The following ATRNL1 variants were observed in gnomAD, a reference collection of about 807,000 sequenced individuals.
ATRNL1 encodes attractin-like protein 1.
A neutral mutation model predicts 182.7 loss-of-function variants in ATRNL1; 95 were observed. The ratio of observed to expected loss-of-function variants is 0.52; its 90% CI spans 0.44 to 0.62. The LOEUF (loss-of-function observed/expected upper bound fraction) is 0.62. ATRNL1 is among the 20% of genes least tolerant of loss of function. The probability of loss-of-function intolerance (pLI) is 0.00; values close to 1 mark genes in which losing one functional copy is unlikely to be tolerated. For missense variants in ATRNL1, 1,471 were observed against 1,679.5 expected, an observed-to-expected ratio of 0.88 and a Z score of 2.17; for synonymous variants, 576 against 568.3, an observed-to-expected ratio of 1.01 and a Z score of -0.19.
At chr10:115,717,614 C>T (rs1458922266) in intron 26 of ATRNL1, among the ~76,000 whole-genome samples, 1 of 129,190 alleles carries the variant, frequency 7.7e-6, no homozygotes, top group African/African-American at 2.9e-5. Context: ...TGCAGTGGTG[C>T]AATCTCAGCA....
intron 26 of ATRNL1, chr10:115,598,045 A>T (rs1450289083): frequency 2.6e-5 from 4 of 154,924 alleles, no homozygotes; most frequent in East Asian, 1.9e-4. Context: ...AGAGCAATAG[A>T]CCTAATTTGA....
rs530266515 is a variant in ATRNL1, at chr10:115,130,183, A to G, written c.829+648A>G. On this transcript the variant is annotated intron_variant, in intron 5 of 28. Transcript: ENST00000355044. Reference sequence around the variant, plus strand: ...TTATGAAATTAAGAGATATGCTTATACATATACCTACCCACCTAGAGCTTA... The same window carrying G: ...TTATGAAATTAAGAGATATGCTTATGCATATACCTACCCACCTAGAGCTTA... Among the ~76,000 whole-genome samples, 7 of 152,260 alleles carry G rather than the reference A, an allele frequency of 4.6e-5. No homozygotes were observed. The East Asian group carries it at 1.3e-3, about 29-fold the overall frequency.
chr10:115,615,482 A>G (rs1857382478), intron 26 of ATRNL1, among the ~76,000 whole-genome samples: 1 of 152,086 alleles, frequency 6.6e-6, no homozygotes, highest in Admixed American at 6.6e-5. Flanking sequence ...CTGTTGAGAA[A>G]TCTGCTGTTA....
chr10:115,846,049 C>T (rs938758557), intron 27 of ATRNL1, among the ~76,000 whole-genome samples: 1 of 151,994 alleles, frequency 6.6e-6, no homozygotes, highest in Non-Finnish European at 1.5e-5. Flanking sequence ...TATCTATGTA[C>T]TTATGCTGAT....
At chr10:115,528,589 T>C (rs1481048640) in intron 25 of ATRNL1, among the ~76,000 whole-genome samples, 1 of 152,008 alleles carries the variant, frequency 6.6e-6, no homozygotes, top group East Asian at 1.9e-4. Flanking sequence ...CAACTTTTGG[T>C]ATTGTTGATT....
chr10:115,523,358 C>G (rs529820703), intron 25 of ATRNL1, among the ~76,000 whole-genome samples: 4 of 152,292 alleles, frequency 2.6e-5, no homozygotes, highest in African/African-American at 9.6e-5. Context: ...CCCCCATTGT[C>G]TTTACTAATA....
At position 115,093,947 on chromosome 10, in the gene ATRNL1, C is replaced by T. The variant is rs1554862421; in HGVS notation, c.197C>T (p.Thr66Ile). The T allele has an allele frequency of 6.3e-7, 1 of 1,591,058 alleles. No individual in the cohort carries two copies. Among genetic ancestry groups the T allele is most frequent in the Non-Finnish European group, 8.5e-7 (1 of 1,170,532 alleles). The change falls in exon 1 of 29, where the codon ACC (threonine) becomes ATC (isoleucine). Residue 66 changes from threonine to isoleucine, a missense_variant. By Grantham distance (89) the Thr-to-Ile change is moderately conservative. This residue lies in a region of ATRNL1 where 1,031 missense variants were observed against 1,156.0 expected (regional missense o/e 0.89). Transcript: ENST00000355044. This position sits in a 1 kb window ranked among gnomAD's most constrained non-coding sequence, Gnocchi z 6.1. ...QVSQSKPCER[T>I]GSCFSGRCVN... ...TCCCAGTCCAAGCCGTGCGAGAGGA[C>T]CGGCTCCTGCTTCTCGGGCCGCTGT...
At chr10:115,379,172 G>C (rs1857845457) in intron 19 of ATRNL1, among the ~76,000 whole-genome samples, 1 of 151,914 alleles carries the variant, frequency 6.6e-6, no homozygotes, top group African/African-American at 2.4e-5. Flanking sequence ...TGTTCCTTTA[G>C]TGTATATCTA....
intron 19 of ATRNL1, among the ~76,000 whole-genome samples, chr10:115,362,413 G>A (rs1856792545): frequency 6.6e-6 from 1 of 151,580 alleles, no homozygotes; most frequent in Admixed American, 6.6e-5. Context: ...GATATATTGT[G>A]GAATGCTTAA....
intron 28 of ATRNL1, among the ~76,000 whole-genome samples, chr10:115,915,942 C>T (rs1399483623): frequency 6.6e-6 from 1 of 152,204 alleles, no homozygotes; most frequent in Non-Finnish European, 1.5e-5. Context: ...ATTCAACCTG[C>T]AACTTTGTTC....
chr10:115,122,515 T>C (rs1305407775), intron 3 of ATRNL1, among the ~76,000 whole-genome samples: 3 of 152,018 alleles, frequency 2.0e-5, no homozygotes, highest in African/African-American at 7.2e-5. Context: ...TTATTTACTT[T>C]TGCTATTTAT....
At chr10:115,165,125 G>A (rs1846978348) in intron 6 of ATRNL1, among the ~76,000 whole-genome samples, 1 of 151,324 alleles carries the variant, frequency 6.6e-6, no homozygotes, top group African/African-American at 2.4e-5. Flanking sequence ...AAACTTATAA[G>A]TATCAGGCCA....
intron 10 of ATRNL1, among the ~76,000 whole-genome samples, chr10:115,250,864 A>G (rs1228493415): frequency 6.6e-6 from 1 of 152,178 alleles, no homozygotes; most frequent in Non-Finnish European, 1.5e-5. Flanking sequence ...AATGTTGTTA[A>G]TGTAGTAGAA....
intron 21 of ATRNL1, among the ~76,000 whole-genome samples, chr10:115,432,817 G>GT (rs782284292): frequency 2.1e-4 from 32 of 151,120 alleles, no homozygotes; most frequent in African/African-American, 5.3e-4. Context: ...AAGTAGTATA[G>GT]TTTTTTTTTC....
intron 26 of ATRNL1, among the ~76,000 whole-genome samples, chr10:115,697,066 G>A (rs1468957028): frequency 2.0e-5 from 3 of 152,002 alleles, no homozygotes; most frequent in African/African-American, 4.8e-5. Flanking sequence ...ATAAGATTTC[G>A]GTGGGAACAC....
At chr10:115,177,925 T>TTTG (rs1847592635) in intron 8 of ATRNL1, among the ~76,000 whole-genome samples, 1 of 24,726 alleles carries the variant, frequency 4.0e-5, no homozygotes, top group Non-Finnish European at 1.5e-4. Context: ...TTTTTTTTTG[T>TTTG]TTTTTTTTTT....
intron 20 of ATRNL1, among the ~76,000 whole-genome samples, chr10:115,419,131 A>G (rs1205327637): frequency 6.6e-6 from 1 of 152,210 alleles, no homozygotes; most frequent in African/African-American, 2.4e-5. Flanking sequence ...AATTCAAAAT[A>G]TGGAAGGATA....
intron 26 of ATRNL1, among the ~76,000 whole-genome samples, chr10:115,586,434 T>C (rs1490116433): frequency 2.7e-5 from 3 of 110,260 alleles, no homozygotes; most frequent in African/African-American, 8.3e-5. Context: ...CCCATATTTC[T>C]TGGAGGCTTT....
At chr10:115,462,228 C>A (rs1847839245) in intron 22 of ATRNL1, among the ~76,000 whole-genome samples, 193 bp downstream of exon 22, 1 of 152,028 alleles carries the variant, frequency 6.6e-6, no homozygotes, top group South Asian at 2.1e-4. Context: ...GCAAATAGCC[C>A]TATATTTTAA....
Sources: gnomAD v4.1 joint callset for allele counts (sites outside exome capture counted in the v4.1 genomes callset) on GRCh38, gnomAD v4.1.1 for gene constraint, gnomAD v4.1.1 regional missense constraint, Gnocchi (gnomAD v3.1) non-coding constraint, MANE v1.5 for transcripts, NCBI Gene and HGNC (gene_info 2026-07-23, HGNC 2026-07-21) for gene names.